Variants in ZNF106 observed in about 807,000 individuals in gnomAD.
ZNF106 encodes the protein SH3-domain binding protein 3.
A neutral mutation model predicts 195.1 loss-of-function variants in ZNF106; 67 were observed. That is an observed-to-expected ratio of 0.34 (90% confidence interval 0.28 to 0.42). The LOEUF (loss-of-function observed/expected upper bound fraction) is 0.42, where lower values mean the gene tolerates loss of function less well. Among genes scored for constraint, ZNF106 ranks in the 10% least tolerant of loss-of-function variants. The pLI, the probability that ZNF106 is intolerant of heterozygous loss-of-function variation, is 1.00. For synonymous variants in ZNF106, 784 were observed against 818.6 expected (o/e 0.96, Z 0.72); for missense variants, 2,118 against 2,304.5 (o/e 0.92, Z 1.66).
intron 1 of ZNF106, among the ~76,000 whole-genome samples, chr15:42,487,360 C>T (rs1302773051): frequency 2.0e-5 from 3 of 151,462 alleles, no homozygotes; most frequent in African/African-American, 7.3e-5. Context: ...TGGTGGCACG[C>T]ACCTGTAGTC....
chr15:42,466,159 T>C, intron 2 of ZNF106, 45 bp from the exon 3 acceptor site: 9 of 1,440,916 alleles, frequency 6.2e-6, no homozygotes, highest in Non-Finnish European at 8.2e-6. Context: ...AGGATTGCTT[T>C]GAAAAAAAAA....
At chr15:42,488,840 G>T (rs985037847) in intron 1 of ZNF106, among the ~76,000 whole-genome samples, 1 of 152,102 alleles carries the variant, frequency 6.6e-6, no homozygotes, top group African/African-American at 2.4e-5. Flanking sequence ...AATTTGGGAG[G>T]CTGAGGTGGG....
At chr15:42,483,375 A>G (rs1033701378) in intron 1 of ZNF106, among the ~76,000 whole-genome samples, 1 of 152,148 alleles carries the variant, frequency 6.6e-6, no homozygotes, top group Non-Finnish European at 1.5e-5. Flanking sequence ...CTGATCAAAG[A>G]AGACATATCC....
At chr15:42,486,493 T>A (rs1345509470) in intron 1 of ZNF106, among the ~76,000 whole-genome samples, 1 of 152,138 alleles carries the variant, frequency 6.6e-6, no homozygotes, top group Non-Finnish European at 1.5e-5. Context: ...ACTCCCAGTT[T>A]CAAGTGTCCT....
At chr15:42,481,351 TTTG>T (rs1310938303) in intron 1 of ZNF106, among the ~76,000 whole-genome samples, 11 of 120,706 alleles carry the variant, frequency 9.1e-5, no homozygotes, top group South Asian at 5.4e-4. Flanking sequence ...TGTTTTTTTT[TTTG>T]TTGTTTTTTT....
In ZNF106 at chr15:42,450,052, A is replaced by C; in HGVS notation, c.2220T>G (p.Pro740=). 1.2e-6 allele frequency: 2 copies of C among 1,614,228 alleles called. No individual in the cohort carries two copies. Among genetic ancestry groups the C allele is most frequent in the Middle Eastern group, 3.3e-4 (2 of 6,062 alleles). ...CAGGAAAGCCAAGCTTACTTAGTTC[A>C]GGCAGGAGAGGGCCCGAGGGCTGAC... is the stretch of plus-strand genomic sequence containing the variant. ...DISQPSGPLL[P]ELSKLGFPAS... is the part of the protein sequence containing the mutation. Residue 740 remains proline, a synonymous_variant, in exon 5 of 22, where the codon CCT becomes CCG. Coordinates refer to ENST00000564754, the MANE Select transcript of ZNF106 (RefSeq NM_001366845.3).
Position 42,417,225 on chromosome 15 carries a change from G to A in ZNF106, c.*79C>T. 1 of 1,495,650 alleles carries A rather than the reference G, an allele frequency of 6.7e-7. No homozygotes were observed. Among genetic ancestry groups the A allele is most frequent in the East Asian group, 2.3e-5 (1 of 44,064 alleles). 92.6% of individuals were successfully genotyped at this position (1,495,650 alleles called of 1,614,324 possible). ...TCTCCTTCCTTACTTCACCAAGAAA[G>A]GGAAGAGAGTGGCCTGTGTGGGGGG... On this transcript the variant is annotated 3_prime_UTR_variant, in exon 22 of 22. Coordinates refer to ENST00000564754, the MANE Select transcript of ZNF106 (RefSeq NM_001366845.3).
rs778975775 is a variant in ZNF106 at position 42,444,985 on chromosome 15, C to T, written c.3206-4G>A. On this transcript the variant is annotated splice_region_variant and splice_polypyrimidine_tract_variant and intron_variant, in intron 7 of 21. Transcript: ENST00000564754. ...AGCTGGTCAACCTGAGAACGTTCTG[C>T]CAAAAGAAATCATAAGGTTCAGGTT... 1.1e-5 allele frequency: 17 copies of T among 1,613,868 alleles called. No homozygotes were observed. The highest frequency in any genetic ancestry group is 1.4e-5 in the Non-Finnish European group (17 of 1,179,874).
rs1038060075 is a variant in ZNF106 at position 42,424,942 on chromosome 15, T to C, written c.5082A>G (p.Lys1694=). 11 of 1,614,116 alleles carry C rather than the reference T, an allele frequency of 6.8e-6. No individual in the cohort carries two copies. The highest frequency in any genetic ancestry group is 1.3e-5 in the African/African-American group (1 of 75,012). Residue 1694 remains lysine (K), a synonymous_variant, in exon 16 of 22, where the codon AAA becomes AAG. Transcript: ENST00000564754. ...CLATAQEGAR[K]LLVVGSYDCT... is the part of the protein sequence containing the mutation. ...AGTCATAAGACCCCACGACCAGCAG[T>C]TTTCGGGCACCTTCCTGAGCTGTAG...
intron 12 of ZNF106, among the ~76,000 whole-genome samples, 163 bp from the exon 13 acceptor site, chr15:42,437,540 T>C (rs774223136): frequency 9.9e-5 from 15 of 152,220 alleles, no homozygotes; most frequent in Non-Finnish European, 1.3e-4. Flanking sequence ...AATACCCATC[T>C]TCACTATGAA....
chr15:42,421,115 A>G lies in ZNF106; in HGVS notation c.5463T>C (p.Tyr1821=), dbSNP rs760869598. The G allele has an allele frequency of 9.3e-6, 15 of 1,614,030 alleles. No homozygotes were observed. Among genetic ancestry groups the G allele is most frequent in the East Asian group, 2.2e-5 (1 of 44,902 alleles). The change falls in exon 20 of 22, where the codon TAT becomes TAC. Residue 1821 remains tyrosine, a synonymous_variant. Coordinates refer to ENST00000564754, the MANE Select transcript of ZNF106 (RefSeq NM_001366845.3). ...GCCTCACGGCCTGAATACTGCCATC[A>G]TAACAGCCAGTGTAAATCTGGAGAA... The part of the protein sequence containing the change: ...IHKSMIYTGC[Y]DGSIQAVRLN...
At chr15:42,472,819 G>A (rs2056705595) in intron 1 of ZNF106, among the ~76,000 whole-genome samples, 1 of 152,082 alleles carries the variant, frequency 6.6e-6, no homozygotes, top group African/African-American at 2.4e-5. Context: ...AGACCAGCCT[G>A]GCCAACATGG....
chr15:42,486,053 G>A (rs1017785165), intron 1 of ZNF106, among the ~76,000 whole-genome samples: 2 of 151,734 alleles, frequency 1.3e-5, no homozygotes, highest in African/African-American at 2.4e-5. Flanking sequence ...CACCTCCCGG[G>A]TTCAATCGAT....
Position 42,417,219 on chromosome 15 carries a change from A to G in ZNF106, c.*85T>C, listed in dbSNP as rs1307208196. On this transcript the variant is annotated 3_prime_UTR_variant, in exon 22 of 22. Coordinates refer to ENST00000564754, the MANE Select transcript of ZNF106 (RefSeq NM_001366845.3). ...CCACTTTCTCCTTCCTTACTTCACC[A>G]AGAAAGGGAAGAGAGTGGCCTGTGT... is the stretch of plus-strand genomic sequence containing the variant. 6.1e-6 allele frequency: 9 copies of G among 1,475,714 alleles called. No homozygotes were observed. The highest frequency in any genetic ancestry group is 8.5e-6 in the Non-Finnish European group (9 of 1,060,784). 91.4% of individuals were successfully genotyped at this position (1,475,714 alleles called of 1,614,324 possible). A position where few individuals can be genotyped will look rare whatever the true frequency, so the allele number is the denominator to read the frequency against.
chr15:42,456,683 A>G (rs1595476569), intron 4 of ZNF106, among the ~76,000 whole-genome samples: 2 of 152,136 alleles, frequency 1.3e-5, no homozygotes, highest in South Asian at 4.1e-4. Context: ...TTTGGATACC[A>G]ATAAAGCCAT....
At chr15:42,465,970 TA>T in intron 3 of ZNF106, 82 bp downstream of exon 3, 1 of 1,109,458 alleles carries the variant, frequency 9.0e-7, no homozygotes, top group South Asian at 1.5e-5. Context: ...TTTGACGGAT[TA>T]CTGCAAAACA....
intron 17 of ZNF106, among the ~76,000 whole-genome samples, chr15:42,423,217 A>C (rs998016977): frequency 6.6e-6 from 1 of 151,990 alleles, no homozygotes; most frequent in African/African-American, 2.4e-5. Context: ...AAAATATAAA[A>C]AAATTAGCCA....
chr15:42,466,919 A>T (rs1206428111), intron 2 of ZNF106, among the ~76,000 whole-genome samples: 2 of 151,864 alleles, frequency 1.3e-5, no homozygotes, highest in Non-Finnish European at 2.9e-5. Flanking sequence ...CAGATCACGA[A>T]GTCAGGAGAT....
At chr15:42,483,548 C>A (rs967231202) in intron 1 of ZNF106, among the ~76,000 whole-genome samples, 1 of 152,190 alleles carries the variant, frequency 6.6e-6, no homozygotes, top group Non-Finnish European at 1.5e-5. Flanking sequence ...TTTGCTCAAC[C>A]ATACACTGAA....
Sources: allele counts gnomAD v4.1 joint callset (sites outside exome capture counted in the v4.1 genomes callset), GRCh38; gene constraint gnomAD v4.1.1; transcripts MANE v1.5; gene names NCBI Gene and HGNC (gene_info 2026-07-23, HGNC 2026-07-21).